Variants in GAB2 observed in about 807,000 individuals in gnomAD.
GAB2 encodes GRB2-associated-binding protein 2.
GAB2 carries 26 observed loss-of-function variants against 65.5 expected under a neutral mutation model. That is an observed-to-expected ratio of 0.40 (90% CI 0.29 to 0.55). GAB2 has a LOEUF of 0.55. Among genes scored for constraint, GAB2 ranks in the 20% least tolerant of loss-of-function variants. The pLI is 0.53. For missense variants in GAB2, 884 were observed against 875.8 expected (o/e 1.01, Z -0.12); for synonymous variants, 321 against 329.6 (o/e 0.97, Z 0.28).
intron 1 of GAB2, among the ~76,000 whole-genome samples, chr11:78,342,850 T>C (rs1468830473): frequency 6.6e-6 from 1 of 152,188 alleles, no homozygotes; most frequent in African/African-American, 2.4e-5. Context: ...AGTAGGAGGC[T>C]CTTAAGCACT....
intron 1 of GAB2, among the ~76,000 whole-genome samples, chr11:78,319,719 A>G (rs1453655749): frequency 6.6e-6 from 1 of 152,240 alleles, no homozygotes; most frequent in African/African-American, 2.4e-5. Flanking sequence ...TAAAATTATT[A>G]AAGTGCACTT....
At position 78,239,554 on chromosome 11, in the gene GAB2, GGA is replaced by G. The variant is rs1034871879; in HGVS notation, c.620+10601_620+10602del. ...TTACATTTTAGCAAAAATAACGGAG[GGA>G]GAGTCCCAGAATGCATGAGAGGAGT... On this transcript the variant is annotated intron_variant, in intron 3 of 9. Transcript: ENST00000361507. 1.1e-3 allele frequency among the ~76,000 whole-genome samples: 169 copies of G among 152,112 alleles called. 1 individual carries two copies. The highest frequency in any genetic ancestry group is 4.1e-3 in the African/African-American group (169 of 41,418).
At chr11:78,341,202 T>C (rs377496569) in intron 1 of GAB2, among the ~76,000 whole-genome samples, 1 of 152,356 alleles carries the variant, frequency 6.6e-6, no homozygotes, top group South Asian at 2.1e-4. Flanking sequence ...CATGCTTTTA[T>C]TGGATATATT....
rs2134448923 is a variant in GAB2 at position 78,219,302 on chromosome 11, G to A, written c.2001C>T (p.Ser667=). ...GCTTGGCACCCTTGGAAGGCTCTGAGGACTGCCGCACGTCTGTCCACTCCT... is the reference window on the plus strand; with the variant it reads ...GCTTGGCACCCTTGGAAGGCTCTGAAGACTGCCGCACGTCTGTCCACTCCT... ...TMQEWTDVRQ[S]SEPSKGAKL The change falls in exon 10 of 10, where the codon TCC becomes TCT. Residue 667 remains serine (S), a synonymous_variant. Transcript: ENST00000361507. 3 of 1,613,866 alleles carry A rather than the reference G, an allele frequency of 1.9e-6. No individual in the cohort carries two copies. Among genetic ancestry groups the A allele is most frequent in the East Asian group, 2.2e-5 (1 of 44,858 alleles).
chr11:78,224,503 G>A (rs756286945), intron 5 of GAB2, among the ~76,000 whole-genome samples: 21 of 152,180 alleles, frequency 1.4e-4, no homozygotes, highest in Non-Finnish European at 1.2e-4. Flanking sequence ...CTTCTACAGA[G>A]TTGTGTGATA....
At chr11:78,248,155 G>C (rs542928522) in intron 3 of GAB2, among the ~76,000 whole-genome samples, 1 of 152,314 alleles carries the variant, frequency 6.6e-6, no homozygotes, top group African/African-American at 2.4e-5. Context: ...GAGAGAGAGA[G>C]AGAATAAAAA....
rs1488302581 is a variant in GAB2, at chr11:78,215,446, CAATTTAAAA to C, written c.*3817_*3825del. The C allele has an allele frequency of 6.6e-6, 1 of 152,282 alleles. No individual in the cohort carries two copies. The highest frequency in any genetic ancestry group is 1.5e-5 in the Non-Finnish European group (1 of 67,940). 9.4% of individuals were successfully genotyped at this position (152,282 alleles called of 1,614,324 possible). On this transcript the variant is annotated 3_prime_UTR_variant, in exon 10 of 10. Transcript: ENST00000361507. ...TCCCACCCACCGGATAAATATGTTACAATTTAAAAAAAAGAATACAACAGAATAAATTAA... is the reference window on the plus strand; with the variant it reads ...TCCCACCCACCGGATAAATATGTTACAAAAGAATACAACAGAATAAATTAA...
intron 3 of GAB2, among the ~76,000 whole-genome samples, chr11:78,231,327 C>T (rs749192551): frequency 5.3e-5 from 6 of 112,218 alleles, no homozygotes; most frequent in East Asian, 2.6e-4. Context: ...TGCGCGCGCG[C>T]GCGTGTGTGG....
intron 1 of GAB2, among the ~76,000 whole-genome samples, chr11:78,380,322 A>T (rs1220089972): frequency 6.6e-6 from 1 of 151,904 alleles, no homozygotes; most frequent in Non-Finnish European, 1.5e-5. Flanking sequence ...ATTCTGCCTC[A>T]GCCTCCCAAG....
intron 3 of GAB2, among the ~76,000 whole-genome samples, chr11:78,244,557 A>C (rs539044479): frequency 6.7e-6 from 1 of 149,938 alleles, no homozygotes; most frequent in Admixed American, 6.7e-5. Flanking sequence ...TATACAAGGA[A>C]CTCAAACAAC....
chr11:78,277,074 C>T (rs1259657825), intron 2 of GAB2, among the ~76,000 whole-genome samples: 1 of 152,180 alleles, frequency 6.6e-6, no homozygotes, highest in Non-Finnish European at 1.5e-5. Flanking sequence ...ACCTCGGCCT[C>T]CCAAAGTGCT....
At chr11:78,254,191 A>G (rs1865533501) in intron 2 of GAB2, among the ~76,000 whole-genome samples, 1 of 152,238 alleles carries the variant, frequency 6.6e-6, no homozygotes, top group Non-Finnish European at 1.5e-5. Flanking sequence ...CATAAGGTCT[A>G]GAAAATCTTG....
chr11:78,398,260 A>G (rs1856927865), intron 1 of GAB2, among the ~76,000 whole-genome samples: 1 of 152,216 alleles, frequency 6.6e-6, no homozygotes, highest in South Asian at 2.1e-4. Context: ...GTAATAGTTA[A>G]TGACACCTAA....
chr11:78,385,991 C>T (rs140916076), intron 1 of GAB2, among the ~76,000 whole-genome samples: 237 of 152,184 alleles, frequency 1.6e-3, no homozygotes, highest in African/African-American at 5.5e-3. Flanking sequence ...TCTATCTATA[C>T]GTATGTATCT....
chr11:78,264,169 C>G (rs943307880), intron 2 of GAB2, among the ~76,000 whole-genome samples: 2 of 152,082 alleles, frequency 1.3e-5, no homozygotes, highest in Non-Finnish European at 2.9e-5. Flanking sequence ...CTGCTGGGAT[C>G]ATGACAGAGA....
At chr11:78,267,404 T>C (rs1865899060) in intron 2 of GAB2, among the ~76,000 whole-genome samples, 1 of 152,226 alleles carries the variant, frequency 6.6e-6, no homozygotes, top group South Asian at 2.1e-4. Context: ...TTCCATTTCA[T>C]GGACAGGTGA....
At chr11:78,346,614 A>G (rs1459486044) in intron 1 of GAB2, among the ~76,000 whole-genome samples, 1 of 141,204 alleles carries the variant, frequency 7.1e-6, no homozygotes, top group African/African-American at 2.6e-5. Context: ...GAATTTACCA[A>G]ATCTACATTA....
chr11:78,343,732 G>C (rs1274459662), intron 1 of GAB2, among the ~76,000 whole-genome samples: 2 of 152,030 alleles, frequency 1.3e-5, no homozygotes, highest in Non-Finnish European at 2.9e-5. Flanking sequence ...CATTTAAAAT[G>C]TAAAAAGAAA....
At chr11:78,373,238 CTTTT>C (rs535640025) in intron 1 of GAB2, among the ~76,000 whole-genome samples, 11 of 136,114 alleles carry the variant, frequency 8.1e-5, no homozygotes, top group African/African-American at 2.7e-4. Context: ...ATTATAATGA[CTTTT>C]TTTTTTTTTT....
Sources: gnomAD v4.1 joint callset for allele counts (sites outside exome capture counted in the v4.1 genomes callset) on GRCh38, gnomAD v4.1.1 for gene constraint, MANE v1.5 for transcripts, NCBI Gene and HGNC (gene_info 2026-07-23, HGNC 2026-07-21) for gene names.